The following PLCH2 variants were observed in gnomAD, a reference collection of about 807,000 sequenced individuals.
PLCH2 encodes the protein 1-phosphatidylinositol 4,5-bisphosphate phosphodiesterase eta-2.
Under a neutral mutation model 134.7 loss-of-function variants are expected in PLCH2, and 98 were observed. The ratio of observed to expected loss-of-function variants is 0.73; its 90% confidence interval spans 0.62 to 0.86. The LOEUF is 0.86. PLCH2 is among the 40% of genes least tolerant of loss of function. The probability of loss-of-function intolerance (pLI) is 0.00; values close to 1 mark genes in which losing one functional copy is unlikely to be tolerated. For missense variants in PLCH2, 1,994 were observed against 1,986.6 expected (o/e 1.00, Z -0.07); for synonymous variants, 974 against 827.5 (o/e 1.18, Z -3.04).
At chr1:2,430,935 G>A (rs556708456) in intron 2 of PLCH2, among the ~76,000 whole-genome samples, 7 of 152,316 alleles carry the variant, frequency 4.6e-5, no homozygotes, top group African/African-American at 1.7e-4. Context: ...TGCACTGGGG[G>A]GGTCTGGGAG....
chr1:2,437,924 C>T (rs1426770892), intron 2 of PLCH2, among the ~76,000 whole-genome samples: 1 of 152,272 alleles, frequency 6.6e-6, no homozygotes, highest in African/African-American at 2.4e-5. Context: ...TCACCGCCTC[C>T]TCTTTGGCCT....
chr1:2,494,576 G>A (rs1642770459), intron 11 of PLCH2: 2 of 557,272 alleles, frequency 3.6e-6, no homozygotes, highest in African/African-American at 3.8e-5. Flanking sequence ...ACACATGAGA[G>A]ACGCTGAGGC....
chr1:2,480,045 G>A, intron 3 of PLCH2, 68 bp downstream of exon 3: 1 of 1,582,558 alleles, frequency 6.3e-7, no homozygotes, highest in Admixed American at 1.7e-5. Flanking sequence ...ACCCTGGGGG[G>A]GCCTGTCCTT....
intron 2 of PLCH2, among the ~76,000 whole-genome samples, chr1:2,451,663 G>T (rs1036086180): frequency 6.6e-6 from 1 of 152,330 alleles, no homozygotes; most frequent in Non-Finnish European, 1.5e-5. Flanking sequence ...GTCAGCCACC[G>T]TTGGCAGCAG....
chr1:2,441,004 G>A (rs1485870015), intron 2 of PLCH2, among the ~76,000 whole-genome samples: 5 of 152,172 alleles, frequency 3.3e-5, no homozygotes, highest in South Asian at 2.1e-4. Context: ...AAACCGCCCC[G>A]ACCATGCTGT....
chr1:2,422,829 C>T (rs780688605), upstream of PLCH2, among the ~76,000 whole-genome samples: 4 of 152,110 alleles, frequency 2.6e-5, no homozygotes, highest in South Asian at 2.1e-4. Context: ...AGGCATGAGC[C>T]GCTGTACCTG....
At chr1:2,488,852 T>C (rs1218119312) in intron 8 of PLCH2, among the ~76,000 whole-genome samples, 1 of 152,218 alleles carries the variant, frequency 6.6e-6, no homozygotes, top group Non-Finnish European at 1.5e-5. Context: ...AGCTCCACAC[T>C]GTACCTTGGT....
In PLCH2 at chr1:2,504,486, C is replaced by T. The variant is rs1643425224; in HGVS notation, c.3524C>T (p.Ala1175Val). Residue 1175 changes from alanine to valine, a missense_variant, in exon 22 of 22, where the codon GCC becomes GTC. Around this residue, in one of 2 missense-constraint regions of PLCH2, gnomAD observed 900 missense variants for 752.3 expected, o/e 1.20. Coordinates refer to ENST00000378486, the MANE Select transcript of PLCH2 (RefSeq NM_014638.4). ...LGRSRENLAGAHMGRLPPRPH... is the reference protein window; with the variant it reads ...LGRSRENLAGVHMGRLPPRPH... ...CGCAGCCGTGAGAACCTCGCTGGAG[C>T]CCACATGGGACGCCTGCCCCCCAGG... is the stretch of plus-strand genomic sequence containing the variant. The T allele has an allele frequency of 6.2e-7, 1 of 1,612,370 alleles. No individual in the cohort carries two copies. The highest frequency in any genetic ancestry group is 1.3e-5 in the African/African-American group (1 of 74,900).
At chr1:2,480,382 G>C in intron 4 of PLCH2, 70 bp downstream of exon 4, 1 of 1,527,270 alleles carries the variant, frequency 6.5e-7, no homozygotes, top group Non-Finnish European at 8.9e-7. Context: ...GTGTGGCTGG[G>C]AGCCTGCCAG....
upstream of PLCH2, among the ~76,000 whole-genome samples, chr1:2,471,979 G>A (rs569385676): frequency 1.3e-5 from 2 of 152,266 alleles, no homozygotes; most frequent in East Asian, 3.9e-4. Context: ...TGTCCCTGCG[G>A]TGCCCTCCAG....
chr1:2,470,087 C>A (rs1345947277), intron 1 of PLCH2, among the ~76,000 whole-genome samples: 1 of 152,232 alleles, frequency 6.6e-6, no homozygotes, highest in Non-Finnish European at 1.5e-5. Flanking sequence ...GGACGGTGGC[C>A]ACACTGTCCT....
chr1:2,475,790 C>A (rs1383689569), upstream of PLCH2, among the ~76,000 whole-genome samples: 2 of 152,228 alleles, frequency 1.3e-5, no homozygotes, highest in African/African-American at 4.8e-5. Flanking sequence ...CAGGGACCCA[C>A]ATCCTGGGCC....
chr1:2,490,888 G>A (rs937968611), intron 10 of PLCH2, among the ~76,000 whole-genome samples: 4 of 152,268 alleles, frequency 2.6e-5, no homozygotes, highest in Non-Finnish European at 5.9e-5. Context: ...CATCTCCTGA[G>A]GCACATGGTG....
Position 2,434,701 on chromosome 1 carries a change from CGGGCTGCCA to C in PLCH2, c.115+4074_115+4082del, listed in dbSNP as rs1292421111. Among the ~76,000 whole-genome samples the C allele has an allele frequency of 2.0e-5, 3 of 152,330 alleles. No homozygotes were observed. In the East Asian group the frequency reaches 5.8e-4, roughly 29 times the overall value. On this transcript the variant is annotated intron_variant, in intron 2 of 3. Transcript: ENST00000609981. Reference sequence around the variant, plus strand: ...GCCAGCAGAGGAGCCCCAGGCTGCCCGGGCTGCCAGCCGCACTAAAAGTGGGGAGAGCCT... The same window carrying C: ...GCCAGCAGAGGAGCCCCAGGCTGCCCGCCGCACTAAAAGTGGGGAGAGCCT...
the PLCH2 span, among the ~76,000 whole-genome samples, chr1:2,420,036 C>T: frequency 4.0e-5 from 6 of 151,076 alleles, no homozygotes; most frequent in Admixed American, 2.0e-4. Flanking sequence ...CCCCAGTAGC[C>T]TGGGTACAGC....
intron 2 of PLCH2, among the ~76,000 whole-genome samples, chr1:2,461,380 G>A (rs1229472343): frequency 1.3e-5 from 2 of 152,208 alleles, no homozygotes; most frequent in Non-Finnish European, 2.9e-5. Context: ...CAGCAGGGAG[G>A]AGGGAGGCAT....
rs9424315 is a variant in PLCH2 at position 2,498,361 on chromosome 1, C to T, written c.2225-162C>T. The T allele has an allele frequency of 4.2e-6, 3 of 710,502 alleles. No homozygotes were observed. The African/African-American group carries it at 5.4e-5, about 13-fold the overall frequency. 44.0% of individuals were successfully genotyped at this position (710,502 alleles called of 1,614,324 possible). On this transcript the variant is annotated intron_variant, in intron 16 of 21. Transcript: ENST00000378486. This position sits in a 1 kb window ranked among gnomAD's most constrained non-coding sequence, Gnocchi z 5.4. ...GGTGATCCATACTGGGCCAGGTGCACCCCGAGGTGCCCCCCTGGACCACTG... is the reference window on the plus strand; with the variant it reads ...GGTGATCCATACTGGGCCAGGTGCATCCCGAGGTGCCCCCCTGGACCACTG...
At chr1:2,474,312 T>C (rs1312152816), upstream of PLCH2, among the ~76,000 whole-genome samples, 1 of 152,174 alleles carries the variant, frequency 6.6e-6, no homozygotes, top group African/African-American at 2.4e-5. Context: ...GTTCTGTGTC[T>C]GCCTGAGTTT....
upstream of PLCH2, among the ~76,000 whole-genome samples, chr1:2,473,606 T>G (rs3001350): frequency 1.3e-5 from 2 of 152,134 alleles, no homozygotes; most frequent in African/African-American, 4.8e-5. Context: ...GCCTCTGTCC[T>G]GCCCGTCCCT....
Sources: gnomAD v4.1 joint callset for allele counts (sites outside exome capture counted in the v4.1 genomes callset) on GRCh38, gnomAD v4.1.1 for gene constraint, gnomAD v4.1.1 regional missense constraint, Gnocchi (gnomAD v3.1) non-coding constraint, MANE v1.5 for transcripts, NCBI Gene and HGNC (gene_info 2026-07-23, HGNC 2026-07-21) for gene names.